The following SLCO4A1 variants were observed in gnomAD, a reference collection of about 807,000 sequenced individuals.
SLCO4A1 encodes colon organic anion transporter.
Under a neutral mutation model 64.6 loss-of-function variants are expected in SLCO4A1, and 51 were observed. The observed-to-expected ratio is 0.79, with a 90% CI of 0.63 to 1.00. The LOEUF (loss-of-function observed/expected upper bound fraction) is 1.00, where lower values mean the gene tolerates loss of function less well. Among genes scored for constraint, SLCO4A1 ranks in the 50% least tolerant of loss-of-function variants. The pLI is 0.00. For missense variants in SLCO4A1, 919 were observed against 980.5 expected (o/e 0.94, Z 0.84); for synonymous variants, 471 against 444.9 (o/e 1.06, Z -0.74).
rs1601683560 is a variant in SLCO4A1, at chr20:62,671,684, G to A, written c.2026-66G>A. ...TGGGGCAGGGACAGGACTGGGACAG[G>A]CCCACCAGTATCCAAAGGCTCTGGC... On this transcript the variant is annotated intron_variant, in intron 11 of 11. Transcript: ENST00000217159. The A allele has an allele frequency of 1.5e-5, 23 of 1,498,670 alleles. No homozygotes were observed. In the South Asian group the frequency reaches 2.5e-4, roughly 17 times the overall value. 92.8% of individuals were successfully genotyped at this position (1,498,670 alleles called of 1,614,324 possible). A position where few individuals can be genotyped will look rare whatever the true frequency, so the allele number is the denominator to read the frequency against.
intron 5 of SLCO4A1, among the ~76,000 whole-genome samples, chr20:62,663,982 G>A (rs1333607889): frequency 1.3e-5 from 2 of 152,200 alleles, no homozygotes; most frequent in African/African-American, 4.8e-5. Flanking sequence ...AACAGGGAGA[G>A]CCTCCATTCA....
intron 4 of SLCO4A1, 84 bp downstream of exon 4, chr20:62,660,617 T>C: frequency 6.8e-7 from 1 of 1,472,324 alleles, no homozygotes. Context: ...TTTCCTCTGC[T>C]GTCTTTTTCC....
chr20:62,658,310 C>T lies in SLCO4A1; in HGVS notation c.797-367C>T, dbSNP rs544967125. On this transcript the variant is annotated intron_variant, in intron 2 of 11. Transcript: ENST00000217159. ...AAATCCCGGCCTGTGGGAGAGTGAGCGTGGCTGGGCGGAGGGGCTCAGGCC... is the reference window on the plus strand; with the variant it reads ...AAATCCCGGCCTGTGGGAGAGTGAGTGTGGCTGGGCGGAGGGGCTCAGGCC... Among the ~76,000 whole-genome samples the T allele has an allele frequency of 3.3e-5, 5 of 152,322 alleles. No individual in the cohort carries two copies. The East Asian group carries it at 5.8e-4, about 18-fold the overall frequency.
At chr20:62,673,781 TAG>T (rs1165225914), downstream of SLCO4A1, among the ~76,000 whole-genome samples, 6 of 152,130 alleles carry the variant, frequency 3.9e-5, no homozygotes, top group African/African-American at 4.8e-5. Context: ...CGACACCCTG[TAG>T]CACCTGGACT....
Position 62,644,701 on chromosome 20 carries a change from G to A in SLCO4A1, c.-97+2148G>A, listed in dbSNP as rs1211988772. Among the ~76,000 whole-genome samples, 12 of 152,248 alleles carry A rather than the reference G, an allele frequency of 7.9e-5. No individual in the cohort carries two copies. The highest frequency in any genetic ancestry group is 7.8e-4 in the Admixed American group (12 of 15,288). ...TTAGTATTGTGCCTACAAGGTCTTC[G>A]ATCCGGATGTCTCCATGAGTGTTAA... is the stretch of plus-strand genomic sequence containing the variant. On this transcript the variant is annotated intron_variant, in intron 1 of 11. Coordinates refer to ENST00000217159, the MANE Select transcript of SLCO4A1 (RefSeq NM_016354.4). The surrounding 1 kb of genome is among the most constrained non-coding windows in gnomAD (Gnocchi z 5.4).
intron 7 of SLCO4A1, chr20:62,667,481 C>T: frequency 2.1e-6 from 1 of 484,486 alleles, no homozygotes. Context: ...AACAAATGAA[C>T]TAGGGAAAGG....
chr20:62,677,162 T>G (rs1987633672), downstream of SLCO4A1, among the ~76,000 whole-genome samples: 1 of 152,198 alleles, frequency 6.6e-6, no homozygotes, highest in Non-Finnish European at 1.5e-5. Flanking sequence ...GCGACTGTCA[T>G]GGGTGCAGGG....
intron 3 of SLCO4A1, among the ~76,000 whole-genome samples, chr20:62,658,970 C>T (rs764719577): frequency 6.6e-5 from 10 of 152,214 alleles, no homozygotes; most frequent in Non-Finnish European, 1.5e-4. Context: ...GGCCCCAGGG[C>T]AGGAGGCAGG....
At chr20:62,680,786 G>A (rs994610668) in intron 2 of SLCO4A1, among the ~76,000 whole-genome samples, 7 of 152,036 alleles carry the variant, frequency 4.6e-5, no homozygotes, top group African/African-American at 1.7e-4. Context: ...TGAGTTAAGG[G>A]TTTTTGTGTC....
In SLCO4A1 at chr20:62,669,048, C is replaced by T. The variant is rs1986875933; in HGVS notation, c.1995C>T (p.Arg665=). Residue 665 remains arginine (R), a synonymous_variant, in exon 11 of 12, where the codon CGC becomes CGT. Transcript: ENST00000217159. ...TGTACCAGAATTCGGCCATGAGCCG[C>T]TACATACTCATCATGGGGCTCCTGT... ...CLVYQNSAMS[R]YILIMGLLYK... is the part of the protein sequence containing the mutation. The T allele has an allele frequency of 6.2e-7, 1 of 1,611,286 alleles. No individual in the cohort carries two copies. Among genetic ancestry groups the T allele is most frequent in the African/African-American group, 1.3e-5 (1 of 74,940 alleles).
In SLCO4A1 at chr20:62,656,465, A is replaced by G; in HGVS notation, c.11A>G (p.His4Arg). MPL[H>R]QLGDKPLTFP... Reference sequence around the variant, plus strand: ...GGCGGAGGCGCGGAGATGCCCCTGCATCAGCTGGGGGACAAGCCGCTCACC... The same window carrying G: ...GGCGGAGGCGCGGAGATGCCCCTGCGTCAGCTGGGGGACAAGCCGCTCACC... Residue 4 changes from histidine to arginine, a missense_variant, in exon 2 of 12, where the codon CAT (histidine) becomes CGT (arginine). Coordinates refer to ENST00000217159, the MANE Select transcript of SLCO4A1 (RefSeq NM_016354.4). 1 of 1,488,872 alleles carries G rather than the reference A, an allele frequency of 6.7e-7. No individual in the cohort carries two copies. Among genetic ancestry groups the G allele is most frequent in the Non-Finnish European group, 8.9e-7 (1 of 1,119,094 alleles). 92.2% of individuals were successfully genotyped at this position (1,488,872 alleles called of 1,614,324 possible).
At chr20:62,680,881 A>G (rs1051506894) in intron 2 of SLCO4A1, among the ~76,000 whole-genome samples, 1 of 152,190 alleles carries the variant, frequency 6.6e-6, no homozygotes, top group Non-Finnish European at 1.5e-5. Context: ...TGCTGGCTTC[A>G]TAAAATAACT....
chr20:62,674,035 A>G (rs1034469318), downstream of SLCO4A1, among the ~76,000 whole-genome samples: 2 of 152,140 alleles, frequency 1.3e-5, no homozygotes, highest in African/African-American at 4.8e-5. Context: ...GCACTTGGCC[A>G]CTGGGCTGGG....
intron 5 of SLCO4A1, among the ~76,000 whole-genome samples, chr20:62,663,985 T>A (rs1035041184): frequency 2.0e-5 from 3 of 152,122 alleles, no homozygotes; most frequent in African/African-American, 7.2e-5. Context: ...AGGGAGAGCC[T>A]CCATTCACCC....
At chr20:62,662,866 G>A (rs1010543009) in intron 5 of SLCO4A1, among the ~76,000 whole-genome samples, 5 of 150,934 alleles carry the variant, frequency 3.3e-5, no homozygotes, top group Non-Finnish European at 5.9e-5. Context: ...CCCCCCCAGG[G>A]TGCCCACCCC....
chr20:62,689,313 G>A (rs1474057289), downstream of SLCO4A1, among the ~76,000 whole-genome samples: 2 of 127,442 alleles, frequency 1.6e-5, no homozygotes, highest in African/African-American at 3.1e-5. Context: ...GCCTGTCCCC[G>A]GCTGTGCCCC....
chr20:62,648,012 G>A (rs570022957), intron 1 of SLCO4A1, among the ~76,000 whole-genome samples: 10 of 152,366 alleles, frequency 6.6e-5, no homozygotes, highest in South Asian at 4.1e-4. Context: ...CTAAAATAGC[G>A]GGCACTGACC....
chr20:62,683,867 C>G (rs1361614714), intron 2 of SLCO4A1, among the ~76,000 whole-genome samples: 1 of 151,892 alleles, frequency 6.6e-6, no homozygotes, highest in Admixed American at 6.6e-5. Flanking sequence ...GCTCCCCACA[C>G]ATGCAAAGAT....
In SLCO4A1 at chr20:62,669,049, T is replaced by TA. The variant is rs1443740194; in HGVS notation, c.1997dup (p.Tyr666Ter). ...LVYQNSAMSRYILIMGLLYKV... is the reference protein window; with the variant it reads ...LVYQNSAMSR Reference sequence around the variant, plus strand: ...GTACCAGAATTCGGCCATGAGCCGCTACATACTCATCATGGGGCTCCTGTA... The same window carrying TA: ...GTACCAGAATTCGGCCATGAGCCGCTAACATACTCATCATGGGGCTCCTGTA... The change falls in exon 11 of 12, where the codon TAC (tyrosine) becomes TAAC (stop). Residue 666 changes from tyrosine (Y) to a stop codon, truncating the protein, a stop_gained and frameshift_variant. Coordinates refer to ENST00000217159, the MANE Select transcript of SLCO4A1 (RefSeq NM_016354.4). LOFTEE classifies it low-confidence loss of function (END_TRUNC). 3.7e-6 allele frequency: 6 copies of TA among 1,611,204 alleles called. No individual in the cohort carries two copies. Among genetic ancestry groups the TA allele is most frequent in the Non-Finnish European group, 5.1e-6 (6 of 1,179,976 alleles).
Sources: allele counts gnomAD v4.1 joint callset (sites outside exome capture counted in the v4.1 genomes callset), GRCh38; gene constraint gnomAD v4.1.1; non-coding constraint Gnocchi (gnomAD v3.1); transcripts MANE v1.5; gene names NCBI Gene and HGNC (gene_info 2026-07-23, HGNC 2026-07-21).